The following XIRP2 variants were observed in gnomAD, a reference collection of about 807,000 sequenced individuals.
XIRP2 encodes the protein xin actin binding repeat containing 2, also known as xin actin-binding repeat-containing protein 2.
A neutral mutation model predicts 277.0 loss-of-function variants in XIRP2; 236 were observed. The observed-to-expected ratio is 0.85, with a 90% CI of 0.77 to 0.95. The LOEUF is 0.95. XIRP2 is among the 40% of genes least tolerant of loss of function. The pLI, the probability that XIRP2 is intolerant of heterozygous loss-of-function variation, is 0.00. For synonymous variants in XIRP2, 1,490 were observed against 1,416.5 expected, an observed-to-expected ratio of 1.05 and a Z score of -1.17; for missense variants, 4,640 against 4,157.5, an observed-to-expected ratio of 1.12 and a Z score of -3.19.
At chr2:167,126,715 G>C (rs1012167061) in intron 2 of XIRP2, among the ~76,000 whole-genome samples, 1 of 152,036 alleles carries the variant, frequency 6.6e-6, no homozygotes, top group African/African-American at 2.4e-5. Context: ...AAAAACCATG[G>C]GGGCTGACAG....
At chr2:167,103,086 T>C (rs111290455) in intron 2 of XIRP2, among the ~76,000 whole-genome samples, 4,751 of 151,864 alleles carry the variant, frequency 0.031, 86 homozygotes, top group East Asian at 0.05. Context: ...CTACAGTCAG[T>C]TCAGATCGCG....
In XIRP2 at chr2:167,247,069, G is replaced by A; in HGVS notation, c.5677G>A (p.Gly1893Ser). 1 of 1,612,414 alleles carries A rather than the reference G, an allele frequency of 6.2e-7. No homozygotes were observed. The highest frequency in any genetic ancestry group is 2.2e-5 in the East Asian group (1 of 44,830). The change falls in exon 9 of 11, where the codon GGT (glycine) becomes AGT (serine). Residue 1893 changes from glycine (G) to serine (S), a missense_variant. Physicochemically the swap from Gly to Ser is moderately conservative, Grantham distance 56. Coordinates refer to ENST00000409195, the MANE Select transcript of XIRP2 (RefSeq NM_152381.6). Reference sequence around the variant, plus strand: ...ATCTAAACAGCCTGATGCCATCCCTGGTGATATTGAAAAAGCTATTGAATG... The same window carrying A: ...ATCTAAACAGCCTGATGCCATCCCTAGTGATATTGAAAAAGCTATTGAATG... The part of the protein sequence containing the change: ...KESKQPDAIP[G>S]DIEKAIECLE...
chr2:167,242,008 CAA>C, intron 8 of XIRP2, 98 bp downstream of exon 8: 1 of 1,373,098 alleles, frequency 7.3e-7, no homozygotes, highest in Non-Finnish European at 9.6e-7. Context: ...GGCTTTTCAA[CAA>C]AAAAAAATTC....
At chr2:166,965,575 T>A (rs1170300819) in intron 2 of XIRP2, among the ~76,000 whole-genome samples, 1 of 151,744 alleles carries the variant, frequency 6.6e-6, no homozygotes, top group African/African-American at 2.4e-5. Context: ...TTTTTTTGTG[T>A]TTGTTGTTTG....
At chr2:167,080,038 A>C (rs1361276496) in intron 2 of XIRP2, among the ~76,000 whole-genome samples, 1 of 152,126 alleles carries the variant, frequency 6.6e-6, no homozygotes, top group Non-Finnish European at 1.5e-5. Context: ...AATAAAATAA[A>C]ATAAAACAGA....
chr2:167,018,053 T>A (rs1405655967), intron 2 of XIRP2, among the ~76,000 whole-genome samples: 1 of 152,084 alleles, frequency 6.6e-6, no homozygotes, highest in Non-Finnish European at 1.5e-5. Flanking sequence ...AACCTCTGGC[T>A]CTAATACCTA....
intron 3 of XIRP2, among the ~76,000 whole-genome samples, chr2:167,195,670 T>C (rs1483455942): frequency 6.6e-6 from 1 of 151,936 alleles, no homozygotes; most frequent in South Asian, 2.1e-4. Flanking sequence ...GAGAACCCAA[T>C]AGTTGAAGAG....
intron 3 of XIRP2, among the ~76,000 whole-genome samples, chr2:167,197,949 TAA>T (rs940381225): frequency 6.6e-6 from 1 of 152,158 alleles, no homozygotes; most frequent in African/African-American, 2.4e-5. Flanking sequence ...TTAATAAAAA[TAA>T]GTTTGCCCTT....
intron 2 of XIRP2, among the ~76,000 whole-genome samples, chr2:166,919,224 GT>G (rs1302124059): frequency 6.6e-6 from 1 of 152,146 alleles, no homozygotes; most frequent in Admixed American, 6.5e-5. Flanking sequence ...ATTTTCCTAC[GT>G]GGAAAGATAT....
At position 167,140,627 on chromosome 2, in the gene XIRP2, C is replaced by T. The variant is rs541631498; in HGVS notation, c.562+4565C>T. ...TCTGCTTCCGGACTTGCTTCCCTACCTACTGTACCTTATTTCATGCCCCAA... is the reference window on the plus strand; with the variant it reads ...TCTGCTTCCGGACTTGCTTCCCTACTTACTGTACCTTATTTCATGCCCCAA... On this transcript the variant is annotated intron_variant, in intron 3 of 10. Transcript: ENST00000409195. Among the ~76,000 whole-genome samples the T allele has an allele frequency of 2.6e-5, 4 of 152,270 alleles. No homozygotes were observed. In the South Asian group the frequency reaches 8.3e-4, roughly 32 times the overall value.
intron 2 of XIRP2, among the ~76,000 whole-genome samples, chr2:167,018,184 T>A (rs1558949324): frequency 1.3e-5 from 2 of 152,160 alleles, no homozygotes; most frequent in East Asian, 3.9e-4. Flanking sequence ...CTGTATTTTT[T>A]AAATTTCTGA....
chr2:167,042,043 T>G (rs1202691009), intron 2 of XIRP2, among the ~76,000 whole-genome samples: 1 of 152,152 alleles, frequency 6.6e-6, no homozygotes, highest in Non-Finnish European at 1.5e-5. Context: ...CTTCAGCATC[T>G]TTAAAGAAAA....
At chr2:167,111,101 C>T (rs771231478) in intron 2 of XIRP2, among the ~76,000 whole-genome samples, 6 of 152,058 alleles carry the variant, frequency 3.9e-5, no homozygotes, top group Admixed American at 2.6e-4. Flanking sequence ...TTTTACATAC[C>T]GAATTACGTC....
intron 2 of XIRP2, among the ~76,000 whole-genome samples, chr2:166,998,403 C>T (rs1015071322): frequency 2.0e-5 from 3 of 151,964 alleles, no homozygotes; most frequent in South Asian, 2.1e-4. Flanking sequence ...TTTGGGAGGC[C>T]GAGTCAGGTG....
At chr2:167,176,859 C>T (rs1053366773) in intron 3 of XIRP2, among the ~76,000 whole-genome samples, 1 of 152,192 alleles carries the variant, frequency 6.6e-6, no homozygotes, top group Non-Finnish European at 1.5e-5. Context: ...CCCCTGCACT[C>T]CTTTCAGACT....
intron 2 of XIRP2, among the ~76,000 whole-genome samples, chr2:166,981,515 G>A (rs539874391): frequency 2.6e-5 from 4 of 151,792 alleles, no homozygotes; most frequent in South Asian, 2.1e-4. Flanking sequence ...TCCACCTCCC[G>A]GGTTCAAGCA....
At chr2:167,032,454 G>C (rs561124158) in intron 2 of XIRP2, among the ~76,000 whole-genome samples, 8 of 152,148 alleles carry the variant, frequency 5.3e-5, no homozygotes, top group African/African-American at 1.9e-4. Context: ...CATATTGGAT[G>C]TAATTAAACT....
At chr2:167,026,608 A>G (rs1025820740) in intron 2 of XIRP2, among the ~76,000 whole-genome samples, 4 of 151,904 alleles carry the variant, frequency 2.6e-5, no homozygotes, top group Non-Finnish European at 5.9e-5. Flanking sequence ...GTTCCTTTCC[A>G]TGTTTACTGC....
intron 3 of XIRP2, among the ~76,000 whole-genome samples, chr2:167,177,941 T>C (rs181811970): frequency 2.1e-4 from 32 of 151,824 alleles, no homozygotes; most frequent in Admixed American, 1.8e-3. Context: ...GGAGACTAAC[T>C]AAATGGAATA....
Sources: gnomAD v4.1 joint callset for allele counts (sites outside exome capture counted in the v4.1 genomes callset) on GRCh38, gnomAD v4.1.1 for gene constraint, MANE v1.5 for transcripts, NCBI Gene and HGNC (gene_info 2026-07-23, HGNC 2026-07-21) for gene names.